NELL1: variants seen among roughly 807,000 people sequenced by gnomAD.
The protein encoded by NELL1 is protein kinase C-binding protein NELL1.
Under a neutral mutation model 107.4 loss-of-function variants are expected in NELL1, and 76 were observed. The ratio of observed to expected loss-of-function variants is 0.71; its 90% CI spans 0.59 to 0.86. The LOEUF is 0.86. NELL1 is among the 40% of genes least tolerant of loss of function. The pLI is 0.00. For synonymous variants in NELL1, 353 were observed against 341.2 expected (o/e 1.03, Z -0.38); for missense variants, 1,024 against 1,005.5 (o/e 1.02, Z -0.25).
chr11:21,009,190 A>G (rs1852394141), intron 12 of NELL1, among the ~76,000 whole-genome samples: 1 of 152,146 alleles, frequency 6.6e-6, no homozygotes, highest in African/African-American at 2.4e-5. Flanking sequence ...TTCCTGGAAC[A>G]TTAATTCACC....
chr11:20,834,521 T>C (rs933080615), intron 3 of NELL1, among the ~76,000 whole-genome samples: 1 of 152,082 alleles, frequency 6.6e-6, no homozygotes, highest in Middle Eastern at 3.4e-3. Context: ...GCTAACATGG[T>C]GAAACCCCAT....
intron 14 of NELL1, among the ~76,000 whole-genome samples, chr11:21,307,168 C>T (rs1410875497): frequency 6.6e-6 from 1 of 151,968 alleles, no homozygotes; most frequent in Admixed American, 6.6e-5. Flanking sequence ...CACCGTTTTC[C>T]TCTTGCAGGT....
At chr11:21,201,076 C>G (rs949430692) in intron 13 of NELL1, among the ~76,000 whole-genome samples, 2 of 152,086 alleles carry the variant, frequency 1.3e-5, no homozygotes, top group African/African-American at 4.8e-5. Context: ...ATGCTTCCAG[C>G]TTTGTTCTTT....
chr11:21,264,456 G>T (rs1029510428), intron 14 of NELL1, among the ~76,000 whole-genome samples: 6 of 151,824 alleles, frequency 4.0e-5, no homozygotes, highest in African/African-American at 1.2e-4. Context: ...TGGGAAGGCT[G>T]GAGGGAATCT....
At position 21,534,367 on chromosome 11, in the gene NELL1, G is replaced by A. The variant is rs1357945864; in HGVS notation, c.1646-7G>A. On this transcript the variant is annotated splice_region_variant and splice_polypyrimidine_tract_variant and intron_variant, in intron 15 of 19. Coordinates refer to ENST00000357134, the MANE Select transcript of NELL1 (RefSeq NM_006157.5). ...TCCTGGTGGGCTTGTGTTTTTCTCTGAGGCAGATATTGATGAATGTTCAGA... is the reference window on the plus strand; with the variant it reads ...TCCTGGTGGGCTTGTGTTTTTCTCTAAGGCAGATATTGATGAATGTTCAGA... The A allele has an allele frequency of 1.9e-6, 3 of 1,613,694 alleles. No homozygotes were observed. In the South Asian group the frequency reaches 3.3e-5, roughly 18 times the overall value.
chr11:21,095,048 C>T (rs749932720), intron 12 of NELL1, among the ~76,000 whole-genome samples: 3 of 152,178 alleles, frequency 2.0e-5, no homozygotes, highest in Admixed American at 6.5e-5. Context: ...AACTCAATGC[C>T]TTTAGCAGCA....
intron 15 of NELL1, among the ~76,000 whole-genome samples, chr11:21,451,548 T>C (rs944539236): frequency 6.6e-6 from 1 of 152,130 alleles, no homozygotes; most frequent in African/African-American, 2.4e-5. Context: ...AATAATTAAT[T>C]TCATAATTTC....
intron 15 of NELL1, among the ~76,000 whole-genome samples, chr11:21,477,086 A>G (rs1374419619): frequency 6.6e-6 from 1 of 152,168 alleles, no homozygotes; most frequent in African/African-American, 2.4e-5. Flanking sequence ...GAGCAAGTGG[A>G]CTAGTGGGAC....
chr11:20,699,709 T>C (rs1329478251), intron 2 of NELL1, among the ~76,000 whole-genome samples: 1 of 152,238 alleles, frequency 6.6e-6, no homozygotes, highest in African/African-American at 2.4e-5. Flanking sequence ...GCTGGCTCCA[T>C]ATTTTTGCAA....
At chr11:20,982,737 T>C (rs754225532) in intron 12 of NELL1, among the ~76,000 whole-genome samples, 2 of 152,228 alleles carry the variant, frequency 1.3e-5, no homozygotes, top group Non-Finnish European at 2.9e-5. Flanking sequence ...AGAATTTTAA[T>C]AGCAGTTGTA....
Position 20,774,961 on chromosome 11 carries a change from A to C in NELL1, c.185-8719A>C, listed in dbSNP as rs188536304. Among the ~76,000 whole-genome samples the C allele has an allele frequency of 8.9e-4, 136 of 152,316 alleles. No homozygotes were observed. In the Middle Eastern group the frequency reaches 0.017, roughly 19 times the overall value. ...AGTTATTGCCAAAAAAAAAGAAAAA[A>C]AAACCCTGTTGTCCTCACTGATTTA... On this transcript the variant is annotated intron_variant, in intron 2 of 19. Coordinates refer to ENST00000357134, the MANE Select transcript of NELL1 (RefSeq NM_006157.5).
At chr11:21,489,634 G>T (rs1854747170) in intron 15 of NELL1, among the ~76,000 whole-genome samples, 1 of 152,028 alleles carries the variant, frequency 6.6e-6, no homozygotes, top group Admixed American at 6.6e-5. Flanking sequence ...CTGCAAGGAT[G>T]ATTCAACATA....
At chr11:20,826,746 A>G (rs1857893284) in intron 3 of NELL1, among the ~76,000 whole-genome samples, 1 of 151,166 alleles carries the variant, frequency 6.6e-6, no homozygotes. Context: ...CCTCCAAGCA[A>G]GAATCAGCCT....
intron 4 of NELL1, among the ~76,000 whole-genome samples, chr11:20,879,764 A>G (rs779870546): frequency 6.6e-6 from 1 of 152,240 alleles, no homozygotes; most frequent in Non-Finnish European, 1.5e-5. Context: ...CATTTTTGGA[A>G]GAATGTAAAA....
At chr11:21,010,247 G>A (rs1488561038) in intron 12 of NELL1, among the ~76,000 whole-genome samples, 1 of 151,918 alleles carries the variant, frequency 6.6e-6, no homozygotes, top group Non-Finnish European at 1.5e-5. Context: ...TGCTTCTACT[G>A]TTTACTTCCA....
chr11:21,300,269 A>G (rs567364811), intron 14 of NELL1, among the ~76,000 whole-genome samples: 33 of 152,048 alleles, frequency 2.2e-4, no homozygotes, highest in Non-Finnish European at 4.0e-4. Flanking sequence ...TGAGTCAGGG[A>G]TGAGCTCAGG....
At chr11:21,355,014 T>C (rs916975908) in intron 14 of NELL1, among the ~76,000 whole-genome samples, 1 of 152,158 alleles carries the variant, frequency 6.6e-6, no homozygotes, top group African/African-American at 2.4e-5. Flanking sequence ...CCTGTAAATG[T>C]TGAATGCCAA....
chr11:21,241,062 T>C (rs1250821850), intron 14 of NELL1, among the ~76,000 whole-genome samples: 1 of 152,102 alleles, frequency 6.6e-6, no homozygotes, highest in African/African-American at 2.4e-5. Context: ...AGCAAAGCCG[T>C]ATACATATAT....
At chr11:20,737,543 A>AGTTT (rs1160427890) in intron 2 of NELL1, among the ~76,000 whole-genome samples, 1 of 152,192 alleles carries the variant, frequency 6.6e-6, no homozygotes, top group Non-Finnish European at 1.5e-5. Flanking sequence ...ACATGTGTAA[A>AGTTT]ACAGGTAGAT....
Sources: allele counts gnomAD v4.1 joint callset (sites outside exome capture counted in the v4.1 genomes callset), GRCh38; gene constraint gnomAD v4.1.1; transcripts MANE v1.5; gene names NCBI Gene and HGNC (gene_info 2026-07-23, HGNC 2026-07-21).